CLEC12A: variants seen among roughly 807,000 people sequenced by gnomAD.
CLEC12A encodes the protein C-type lectin protein CLL-1.
A neutral mutation model predicts 26.5 loss-of-function variants in CLEC12A; 22 were observed. That is an observed-to-expected ratio of 0.83 (90% confidence interval 0.59 to 1.19). The LOEUF (loss-of-function observed/expected upper bound fraction) is 1.19. CLEC12A is among the 50% of genes most tolerant of loss of function. The pLI, the probability that CLEC12A is intolerant of heterozygous loss-of-function variation, is 0.00. For synonymous variants in CLEC12A, 119 were observed against 101.9 expected (o/e 1.17, Z -1.01); for missense variants, 353 against 315.6 (o/e 1.12, Z -0.90).
At chr12:10,003,738 ACCCTTCCTC>A in the CLEC12A span, among the ~76,000 whole-genome samples, 1 of 151,908 alleles carries the variant, frequency 6.6e-6, no homozygotes, top group African/African-American at 2.4e-5. Flanking sequence ...ACATGCTGAA[ACCCTTCCTC>A]TACCAAAAAA....
intron 1 of CLEC12A, among the ~76,000 whole-genome samples, chr12:9,966,397 G>A (rs1288576825): frequency 3.4e-5 from 2 of 58,142 alleles, no homozygotes; most frequent in African/African-American, 6.5e-5. Context: ...AGTTCCAGGG[G>A]CTATGGGAGT....
At chr12:9,954,193 A>G (rs1289274314) in intron 1 of CLEC12A, among the ~76,000 whole-genome samples, 1 of 136,672 alleles carries the variant, frequency 7.3e-6, no homozygotes, top group Non-Finnish European at 1.6e-5. Flanking sequence ...AGAAACACCC[A>G]AGAATTATCA....
intron 1 of CLEC12A, among the ~76,000 whole-genome samples, chr12:9,975,856 T>C (rs1007407924): frequency 1.3e-5 from 2 of 152,176 alleles, no homozygotes; most frequent in African/African-American, 2.4e-5. Context: ...GTGTGCAGTC[T>C]AGGAACTTGG....
At chr12:9,971,028 T>C (rs1259483000), upstream of CLEC12A, among the ~76,000 whole-genome samples, 1 of 152,166 alleles carries the variant, frequency 6.6e-6, no homozygotes, top group African/African-American at 2.4e-5. Context: ...ACTGTCTCAT[T>C]CTCCTTGGGA....
At chr12:9,982,164 G>A (rs1245058483) in intron 5 of CLEC12A, 35 bp downstream of exon 5, 1 of 1,161,706 alleles carries the variant, frequency 8.6e-7, no homozygotes, top group East Asian at 2.4e-5. Context: ...TTTATAGCTG[G>A]GTTTGAGTAG....
intron 5 of CLEC12A, chr12:9,983,780 A>G: frequency 2.5e-6 from 1 of 404,958 alleles, no homozygotes; most frequent in African/African-American, 2.1e-5. Context: ...TAGTAAGTGT[A>G]GGAGTGTGGG....
At chr12:9,989,129 C>T (rs182635134), downstream of CLEC12A, among the ~76,000 whole-genome samples, 2,303 of 150,226 alleles carry the variant, frequency 0.015, 36 homozygotes, top group Non-Finnish European at 0.022. Context: ...AACCAAACAC[C>T]GCATGTTCTC....
chr12:9,988,861 G>C (rs1413714548), downstream of CLEC12A, among the ~76,000 whole-genome samples: 3 of 152,168 alleles, frequency 2.0e-5, no homozygotes, highest in African/African-American at 7.2e-5. Context: ...TCCCATTGCT[G>C]GGTATATACC....
At chr12:10,004,770 T>C in the CLEC12A span, among the ~76,000 whole-genome samples, 2 of 151,782 alleles carry the variant, frequency 1.3e-5, no homozygotes, top group Non-Finnish European at 2.9e-5. Flanking sequence ...TCTTTATAAA[T>C]ATATATATAT....
At chr12:9,960,852 A>G (rs915896808) in intron 1 of CLEC12A, among the ~76,000 whole-genome samples, 2 of 152,142 alleles carry the variant, frequency 1.3e-5, no homozygotes, top group African/African-American at 2.4e-5. Context: ...GAGACTGCAG[A>G]TCCTTCACCC....
At chr12:9,992,150 T>A (rs759347864) in intron 4 of CLEC12A, 2 of 152,168 alleles carry the variant, frequency 1.3e-5, no homozygotes, top group Non-Finnish European at 2.9e-5. Context: ...CCTTTCCACA[T>A]ATTCTGTAAA....
intron 1 of CLEC12A, among the ~76,000 whole-genome samples, chr12:9,956,101 G>C (rs1366034642): frequency 1.3e-4 from 20 of 152,138 alleles, no homozygotes; most frequent in Admixed American, 1.3e-3. Flanking sequence ...GATCTGAGAA[G>C]TATTCAAAAA....
At chr12:9,973,481 A>T (rs1864212692) in intron 1 of CLEC12A, among the ~76,000 whole-genome samples, 1 of 151,932 alleles carries the variant, frequency 6.6e-6, no homozygotes, top group South Asian at 2.1e-4. Context: ...ACAAGACAAA[A>T]ACCCCAAAAA....
chr12:9,984,270 A>G (rs1045325857), intron 5 of CLEC12A: 1 of 152,416 alleles, frequency 6.6e-6, no homozygotes, highest in African/African-American at 2.4e-5. Flanking sequence ...GGTTGATATC[A>G]TTATTTTTTT....
chr12:9,977,736 A>G (rs918461935), intron 1 of CLEC12A, among the ~76,000 whole-genome samples: 6 of 152,016 alleles, frequency 3.9e-5, no homozygotes, highest in Non-Finnish European at 1.5e-5. Context: ...CTATTTATCT[A>G]TTTCCTCCTA....
intron 1 of CLEC12A, among the ~76,000 whole-genome samples, chr12:9,975,757 G>A (rs918560668): frequency 6.6e-6 from 1 of 152,174 alleles, no homozygotes; most frequent in Non-Finnish European, 1.5e-5. Context: ...GGGCATATCA[G>A]AGGTCTTCCC....
rs780454302 is a variant in CLEC12A at position 9,979,527 on chromosome 12, A to G, written c.379+3A>G. 6.2e-7 allele frequency: 1 copy of G among 1,601,754 alleles called. No individual in the cohort carries two copies. The highest frequency in any genetic ancestry group is 8.5e-7 in the Non-Finnish European group (1 of 1,172,806). On this transcript the variant is annotated splice_donor_region_variant and intron_variant, in intron 3 of 5. Transcript: ENST00000304361. ...TGAGCTATATAGCAAAGAACAAGGTAATCTTGTATTCTCTTGGAGTTATTT... is the reference window on the plus strand; with the variant it reads ...TGAGCTATATAGCAAAGAACAAGGTGATCTTGTATTCTCTTGGAGTTATTT...
At chr12:9,971,406 T>A, upstream of CLEC12A, 1 of 1,215,058 alleles carries the variant, frequency 8.2e-7, no homozygotes, top group Non-Finnish European at 1.0e-6. Context: ...ACAGATGAGA[T>A]TTGGCTCATT....
upstream of CLEC12A, among the ~76,000 whole-genome samples, chr12:9,966,786 A>G (rs1424714806): frequency 7.3e-6 from 1 of 137,692 alleles, no homozygotes. Context: ...TCGGGAGCAG[A>G]TTGGGTAATA....
Sources: allele counts gnomAD v4.1 joint callset (sites outside exome capture counted in the v4.1 genomes callset), GRCh38; gene constraint gnomAD v4.1.1; transcripts MANE v1.5; gene names NCBI Gene and HGNC (gene_info 2026-07-23, HGNC 2026-07-21).